Variants in ISM2 observed in about 807,000 individuals in gnomAD.
ISM2 encodes the protein isthmin-2.
ISM2 carries 50 observed loss-of-function variants against 58.0 expected under a neutral mutation model. The observed-to-expected ratio is 0.86, with a 90% confidence interval of 0.69 to 1.09. The LOEUF is 1.09. Among genes scored for constraint, ISM2 ranks in the 50% least tolerant of loss-of-function variants. The pLI, the probability that ISM2 is intolerant of heterozygous loss-of-function variation, is 0.00. For missense variants in ISM2, 723 were observed against 745.0 expected (o/e 0.97, Z 0.34); for synonymous variants, 303 against 312.4 (o/e 0.97, Z 0.32).
chr14:77,494,592 T>C (rs2079227444), intron 1 of ISM2, among the ~76,000 whole-genome samples: 1 of 152,066 alleles, frequency 6.6e-6, no homozygotes, highest in Admixed American at 6.6e-5. Flanking sequence ...AGATGGGGTT[T>C]CACCAGGTTG....
chr14:77,491,540 C>T (rs2079204232), intron 1 of ISM2, among the ~76,000 whole-genome samples: 1 of 152,176 alleles, frequency 6.6e-6, no homozygotes, highest in Non-Finnish European at 1.5e-5. Context: ...AGGTGGCTGC[C>T]ACCATGCCCG....
chr14:77,477,885 A>G (rs999431525), intron 6 of ISM2, among the ~76,000 whole-genome samples: 3 of 152,160 alleles, frequency 2.0e-5, no homozygotes, highest in African/African-American at 7.2e-5. Flanking sequence ...ACTGCACTGC[A>G]TCCCCCTCTC....
At position 77,478,711 on chromosome 14, in the gene ISM2, A is replaced by C. The variant is rs143880556; in HGVS notation, c.978T>G (p.Tyr326Ter). 3.4e-4 allele frequency: 546 copies of C among 1,612,014 alleles called. No homozygotes were observed. Among genetic ancestry groups the C allele is most frequent in the Non-Finnish European group, 4.5e-4 (528 of 1,178,364 alleles). ...WVFKDSVSYD[Y>*]EPQKEWSPWS... Reference sequence around the variant, plus strand: ...AGGGACTCCACTCCTTCTGAGGCTCATAGTCTGGGTTAAGACAGGGAGTTG... The same window carrying C: ...AGGGACTCCACTCCTTCTGAGGCTCCTAGTCTGGGTTAAGACAGGGAGTTG... Residue 326 changes from tyrosine (Y) to a stop codon, truncating the protein, a stop_gained, in exon 5 of 7, where the codon TAT (tyrosine) becomes TAG (stop). Transcript: ENST00000342219. LOFTEE classifies it high-confidence loss of function.
chr14:77,476,293 G>A (rs2079098425), intron 6 of ISM2, among the ~76,000 whole-genome samples, 181 bp from the exon 7 acceptor site: 3 of 152,234 alleles, frequency 2.0e-5, no homozygotes, highest in Non-Finnish European at 2.9e-5. Flanking sequence ...CAGACAACCT[G>A]AAGCAAGAAG....
At chr14:77,478,437 G>T in intron 5 of ISM2, 112 bp from the exon 6 acceptor site, 2 of 1,430,192 alleles carry the variant, frequency 1.4e-6, no homozygotes, top group Non-Finnish European at 1.9e-6. Context: ...GCCAAAATAG[G>T]CCTGGGACAA....
At chr14:77,483,197 A>G (rs992438918) in intron 3 of ISM2, among the ~76,000 whole-genome samples, 1 of 152,220 alleles carries the variant, frequency 6.6e-6, no homozygotes. Flanking sequence ...GCTATTCAAT[A>G]AAGTAACATG....
intron 1 of ISM2, among the ~76,000 whole-genome samples, chr14:77,492,396 G>A (rs1163403442): frequency 6.6e-6 from 1 of 151,968 alleles, no homozygotes; most frequent in African/African-American, 2.4e-5. Flanking sequence ...ATGATAATAA[G>A]ACAAGGAACA....
Position 77,476,076 on chromosome 14 carries a change from C to T in ISM2, c.1235G>A (p.Ser412Asn). Residue 412 changes from serine (S) to asparagine (N), a missense_variant, in exon 7 of 7, where the codon AGC becomes AAC. Transcript: ENST00000342219. Reference sequence around the variant, plus strand: ...GCTCAGATACTTGATTAGGAAGTCGCTCTTGCAGTTCAGCCACTTCTCACA... The same window carrying T: ...GCTCAGATACTTGATTAGGAAGTCGTTCTTGCAGTTCAGCCACTTCTCACA... ...DSCEKWLNCK[S>N]DFLIKYLSQM... is the part of the protein sequence containing the mutation. The T allele has an allele frequency of 6.5e-7, 1 of 1,527,196 alleles. No individual in the cohort carries two copies. The highest frequency in any genetic ancestry group is 8.8e-7 in the Non-Finnish European group (1 of 1,140,620). The allele number at this position is 1,527,196 out of a possible 1,614,324, so 94.6% of individuals were successfully genotyped here.
At chr14:77,480,476 C>T (rs907326696) in intron 4 of ISM2, among the ~76,000 whole-genome samples, 1 of 151,170 alleles carries the variant, frequency 6.6e-6, no homozygotes, top group Non-Finnish European at 1.5e-5. Context: ...ACTTCACAGG[C>T]AGGCCAGCAC....
chr14:77,493,714 G>T (rs565689819), intron 1 of ISM2, among the ~76,000 whole-genome samples: 1 of 151,980 alleles, frequency 6.6e-6, no homozygotes, highest in African/African-American at 2.4e-5. Context: ...CACCTGCCTC[G>T]GCCTCCCAAA....
chr14:77,484,925 G>C lies in ISM2; in HGVS notation c.142-6C>G. ...GGATCTGGGGAGGCTGAGACCTGAG[G>C]GAGAGAGAAGGAAGGTAAGGTAACA... On this transcript the variant is annotated splice_region_variant and splice_polypyrimidine_tract_variant and intron_variant, in intron 1 of 6. Coordinates refer to ENST00000342219, the MANE Select transcript of ISM2 (RefSeq NM_199296.3). The C allele has an allele frequency of 6.5e-7, 1 of 1,537,192 alleles. No individual in the cohort carries two copies. The highest frequency in any genetic ancestry group is 8.7e-7 in the Non-Finnish European group (1 of 1,144,376).
intron 1 of ISM2, among the ~76,000 whole-genome samples, chr14:77,496,501 T>A (rs2079241606): frequency 7.7e-6 from 1 of 129,086 alleles, no homozygotes; most frequent in South Asian, 2.5e-4. Context: ...GGAAAAAAAA[T>A]AGCCGGGCGT....
intron 1 of ISM2, among the ~76,000 whole-genome samples, chr14:77,488,788 C>A (rs1265314968): frequency 2.0e-5 from 3 of 152,194 alleles, no homozygotes; most frequent in Admixed American, 2.0e-4. Context: ...GTTCTTCACA[C>A]CTCATTCAGG....
rs1189981542 is a variant in ISM2 at position 77,483,546 on chromosome 14, T to C, written c.627+777A>G. 5.7e-4 allele frequency among the ~76,000 whole-genome samples: 61 copies of C among 107,274 alleles called. 1 individual carries two copies. The highest frequency in any genetic ancestry group is 2.3e-3 in the African/African-American group (61 of 26,112). 70.4% of individuals were successfully genotyped at this position (107,274 alleles called of 152,430 possible). On this transcript the variant is annotated intron_variant, in intron 3 of 6. Transcript: ENST00000342219. ...CTGTGCAACAGAGCGAGACTCCATCTCAAAAAAAAAAAAAAAGAAAGAAAA... is the reference window on the plus strand; with the variant it reads ...CTGTGCAACAGAGCGAGACTCCATCCCAAAAAAAAAAAAAAAGAAAGAAAA...
At chr14:77,496,799 G>GA (rs772342344) in intron 1 of ISM2, among the ~76,000 whole-genome samples, 365 of 25,794 alleles carry the variant, frequency 0.014, 60 homozygotes, top group Non-Finnish European at 0.018. Flanking sequence ...TCCATCTCAG[G>GA]AAAAAAAAAA....
intron 5 of ISM2, 67 bp from the exon 6 acceptor site, chr14:77,478,392 C>A: frequency 6.8e-7 from 1 of 1,479,738 alleles, no homozygotes; most frequent in South Asian, 1.2e-5. Flanking sequence ...ATGGGGAAAC[C>A]CCCCCACCTC....
chr14:77,478,810 A>C (rs2079114633), intron 4 of ISM2, 95 bp from the exon 5 acceptor site: 4 of 1,302,662 alleles, frequency 3.1e-6, no homozygotes, highest in Middle Eastern at 2.0e-4. Context: ...AGGTGGATGC[A>C]GCCCATGCCA....
intron 1 of ISM2, 115 bp from the exon 2 acceptor site, chr14:77,485,034 A>C: frequency 3.7e-6 from 4 of 1,069,654 alleles, no homozygotes; most frequent in Non-Finnish European, 5.4e-6. Flanking sequence ...TCATAAACTC[A>C]CCCTGTGACT....
intron 6 of ISM2, among the ~76,000 whole-genome samples, chr14:77,476,901 G>C (rs972152296): frequency 6.6e-6 from 1 of 152,172 alleles, no homozygotes; most frequent in Non-Finnish European, 1.5e-5. Context: ...AGCCGGGCTT[G>C]GTGGCGCATG....
Sources: allele counts gnomAD v4.1 joint callset (sites outside exome capture counted in the v4.1 genomes callset), GRCh38; gene constraint gnomAD v4.1.1; transcripts MANE v1.5; gene names NCBI Gene and HGNC (gene_info 2026-07-23, HGNC 2026-07-21).